Variants in TNRC6A observed in about 807,000 individuals in gnomAD.
TNRC6A encodes the protein trinucleotide repeat-containing gene 6A protein.
TNRC6A carries 44 observed loss-of-function variants against 221.2 expected under a neutral mutation model. The observed-to-expected ratio is 0.20, with a 90% confidence interval of 0.16 to 0.26. The LOEUF is 0.26. Ranked by LOEUF, TNRC6A falls within the 10% of genes least tolerant of loss-of-function variation. The probability of loss-of-function intolerance (pLI) is 1.00; values close to 1 mark genes in which losing one functional copy is unlikely to be tolerated. For synonymous variants in TNRC6A, 847 were observed against 838.5 expected (o/e 1.01, Z -0.18); for missense variants, 2,199 against 2,404.4 (o/e 0.91, Z 1.79).
chr16:24,614,576 G>A (rs561397526), intron 1 of TNRC6A, among the ~76,000 whole-genome samples: 5 of 152,326 alleles, frequency 3.3e-5, no homozygotes, highest in Admixed American at 3.3e-4. Flanking sequence ...GAAGGTGGGT[G>A]TGGTGAAATA....
chr16:24,821,799 T>C (rs1027432429), intron 22 of TNRC6A: 33 of 478,040 alleles, frequency 6.9e-5, no homozygotes, highest in Non-Finnish European at 1.1e-4. Context: ...AATGAGAAGA[T>C]CTCAAAAAGA....
chr16:24,653,951 C>T (rs1902811925), intron 2 of TNRC6A, among the ~76,000 whole-genome samples: 1 of 152,128 alleles, frequency 6.6e-6, no homozygotes, highest in South Asian at 2.1e-4. Context: ...GTGGCCCAGG[C>T]CGGGGTGCAG....
At position 24,648,507 on chromosome 16, in the gene TNRC6A, T is replaced by C. The variant is rs146436527; in HGVS notation, n.402+7498T>C. ...GGATGGTCTCGATCTCCTGACCTCATGATTCACCCGCCTTGGCCTCCCAAA... is the reference window on the plus strand; with the variant it reads ...GGATGGTCTCGATCTCCTGACCTCACGATTCACCCGCCTTGGCCTCCCAAA... On this transcript the variant is annotated intron_variant and non_coding_transcript_variant, in intron 2 of 2. Transcript: ENST00000566108. 8.5e-3 allele frequency among the ~76,000 whole-genome samples: 1,298 copies of C among 151,938 alleles called. 16 individuals carry two copies. Among genetic ancestry groups the C allele is most frequent in the African/African-American group, 0.029 (1,222 of 41,466 alleles).
chr16:24,804,137 G>A, intron 11 of TNRC6A, 40 bp from the exon 12 acceptor site: 2 of 1,549,276 alleles, frequency 1.3e-6, no homozygotes, highest in Non-Finnish European at 8.7e-7. Flanking sequence ...AACCAATTGG[G>A]TTGTCTTCCT....
intron 1 of TNRC6A, among the ~76,000 whole-genome samples, chr16:24,626,539 A>G (rs951587571): frequency 2.0e-5 from 3 of 152,110 alleles, no homozygotes; most frequent in Admixed American, 6.6e-5. Flanking sequence ...TGCTTGAACA[A>G]CACTGAAATC....
rs77198825 is a variant in TNRC6A, at chr16:24,616,472, T to G, written n.276+5988T>G. Reference sequence around the variant, plus strand: ...AGAAAAAGGCATACAAATTTATTAATGTTCATAAACACAGAAGCCACGCAA... The same window carrying G: ...AGAAAAAGGCATACAAATTTATTAAGGTTCATAAACACAGAAGCCACGCAA... On this transcript the variant is annotated intron_variant and non_coding_transcript_variant, in intron 1 of 2. Transcript: ENST00000566108. Among the ~76,000 whole-genome samples the G allele has an allele frequency of 6.7e-3, 1,025 of 152,320 alleles. 14 individuals are homozygous for G. The highest frequency in any genetic ancestry group is 0.023 in the African/African-American group (956 of 41,566).
rs1230816831 is a variant in TNRC6A at position 24,623,733 on chromosome 16, T to TTAAAA, written n.276+13266_276+13270dup. 1.1e-4 allele frequency among the ~76,000 whole-genome samples: 16 copies of TTAAAA among 150,404 alleles called. No individual in the cohort carries two copies. The South Asian group carries it at 1.5e-3, about 14-fold the overall frequency. ...TAGTGAGACCTCGTCTCTAAAAAAA[T>TTAAAA]TAAAATAAAATAAAATAAAATCAGC... is the stretch of plus-strand genomic sequence containing the variant. On this transcript the variant is annotated intron_variant and non_coding_transcript_variant, in intron 1 of 2. Transcript: ENST00000566108.
intron 17 of TNRC6A, among the ~76,000 whole-genome samples, chr16:24,808,001 A>G (rs1024724059): frequency 2.0e-5 from 3 of 152,190 alleles, no homozygotes; most frequent in Non-Finnish European, 4.4e-5. Context: ...TGGGACATAA[A>G]TTGTACTTTG....
intron 18 of TNRC6A, 99 bp downstream of exon 18, chr16:24,809,580 C>A: frequency 7.6e-7 from 1 of 1,314,302 alleles, no homozygotes; most frequent in African/African-American, 1.5e-5. Context: ...GTTTTCAAAG[C>A]CAAATTATCT....
intron 3 of TNRC6A, among the ~76,000 whole-genome samples, chr16:24,753,377 C>T (rs1428891052): frequency 2.6e-5 from 4 of 152,192 alleles, no homozygotes; most frequent in African/African-American, 9.6e-5. Context: ...ATCATAGTAT[C>T]TACCCACTGA....
At chr16:24,658,233 GT>G (rs1487494019) in intron 2 of TNRC6A, among the ~76,000 whole-genome samples, 2 of 152,076 alleles carry the variant, frequency 1.3e-5, no homozygotes, top group Non-Finnish European at 1.5e-5. Flanking sequence ...TGGACAATTA[GT>G]TACATTTTTC....
At chr16:24,733,737 A>G (rs901543852) in intron 2 of TNRC6A, among the ~76,000 whole-genome samples, 44 of 152,204 alleles carry the variant, frequency 2.9e-4, no homozygotes, top group Non-Finnish European at 5.7e-4. Context: ...ATTTTTAGGT[A>G]TGGGAGCTAT....
At chr16:24,614,434 A>G (rs775839847) in intron 1 of TNRC6A, among the ~76,000 whole-genome samples, 3 of 152,202 alleles carry the variant, frequency 2.0e-5, no homozygotes, top group Non-Finnish European at 4.4e-5. Flanking sequence ...TCTCCCTCTA[A>G]TATTGGGAGA....
chr16:24,727,457 A>G (rs573345646), upstream of TNRC6A, among the ~76,000 whole-genome samples: 3 of 152,288 alleles, frequency 2.0e-5, no homozygotes, highest in Admixed American at 2.0e-4. Context: ...ATCGTAGAAT[A>G]TTTAGTAGAA....
In TNRC6A at chr16:24,655,984, T is replaced by A. The variant is rs113080852; in HGVS notation, n.402+14975T>A. Among the ~76,000 whole-genome samples the A allele has an allele frequency of 2.3e-3, 331 of 145,256 alleles. 1 individual carries two copies. The highest frequency in any genetic ancestry group is 7.6e-3 in the African/African-American group (299 of 39,256). ...CGGAGACCCTTGTCTTTACAAAAAATTTTTAAAAATTAGCCAGGCATGGTG... is the reference window on the plus strand; with the variant it reads ...CGGAGACCCTTGTCTTTACAAAAAAATTTTAAAAATTAGCCAGGCATGGTG... On this transcript the variant is annotated intron_variant and non_coding_transcript_variant, in intron 2 of 2. Coordinates refer to the TNRC6A transcript ENST00000566108.
At chr16:24,717,441 T>C (rs2056333735) in intron 2 of TNRC6A, among the ~76,000 whole-genome samples, 1 of 152,080 alleles carries the variant, frequency 6.6e-6, no homozygotes, top group Non-Finnish European at 1.5e-5. Flanking sequence ...TCAGAAAAAG[T>C]AGGGAAGCAA....
chr16:24,674,795 G>C (rs1331868442), intron 2 of TNRC6A, among the ~76,000 whole-genome samples: 1 of 151,714 alleles, frequency 6.6e-6, no homozygotes, highest in African/African-American at 2.4e-5. Flanking sequence ...GGGATCACAA[G>C]AGAGATTATG....
chr16:24,645,379 T>C (rs1351624927), intron 2 of TNRC6A, among the ~76,000 whole-genome samples: 1 of 151,812 alleles, frequency 6.6e-6, no homozygotes, highest in Non-Finnish European at 1.5e-5. Flanking sequence ...TAGTGGTGCA[T>C]GCCTGTAATC....
At chr16:24,776,372 A>G (rs2057717924) in intron 4 of TNRC6A, 1 of 985,348 alleles carries the variant, frequency 1.0e-6, no homozygotes, top group African/African-American at 1.7e-5. Context: ...AGTTTGTCTT[A>G]TATGATTCAG....
Sources: gnomAD v4.1 joint callset for allele counts (sites outside exome capture counted in the v4.1 genomes callset) on GRCh38, gnomAD v4.1.1 for gene constraint, MANE v1.5 for transcripts, NCBI Gene and HGNC (gene_info 2026-07-23, HGNC 2026-07-21) for gene names.